TBXAS1: variants seen among roughly 807,000 people sequenced by gnomAD.
TBXAS1 encodes thromboxane A synthase 1.
In TBXAS1, 48 loss-of-function variants were observed where a neutral mutation model predicts 60.7. The ratio of observed to expected loss-of-function variants is 0.79; its 90% CI spans 0.63 to 1.01. The LOEUF (loss-of-function observed/expected upper bound fraction) is 1.01. TBXAS1 is among the 50% of genes least tolerant of loss of function. TBXAS1 has a pLI of 0.00. For synonymous variants in TBXAS1, 287 were observed against 269.7 expected, an observed-to-expected ratio of 1.06 and a Z score of -0.63; for missense variants, 685 against 686.3, an observed-to-expected ratio of 1.00 and a Z score of 0.02.
intron 1 of TBXAS1, among the ~76,000 whole-genome samples, chr7:139,851,937 T>A (rs1383876656): frequency 6.6e-6 from 1 of 152,148 alleles, no homozygotes; most frequent in Non-Finnish European, 1.5e-5. Flanking sequence ...ACTTCCAAGA[T>A]TAGATTATTG....
In TBXAS1 at chr7:139,860,806, C is replaced by A. The variant is rs144777966; in HGVS notation, c.90-11429C>A. Among the ~76,000 whole-genome samples the A allele has an allele frequency of 4.1e-3, 625 of 152,338 alleles. 5 individuals carry two copies. The highest frequency in any genetic ancestry group is 0.015 in the African/African-American group (603 of 41,574). On this transcript the variant is annotated intron_variant, in intron 1 of 12. Transcript: ENST00000448866. ...AGAATAAATTTGTGTTGTTTTAAAT[C>A]CCTCAGCTTGTGGCTACTTGTTATA...
Position 139,829,469 on chromosome 7 carries a change from C to T in TBXAS1, c.79C>T (p.Leu27Phe), listed in dbSNP as rs747082046. 2.0e-5 allele frequency: 32 copies of T among 1,613,728 alleles called. No homozygotes were observed. Among genetic ancestry groups the T allele is most frequent in the Non-Finnish European group, 2.7e-5 (32 of 1,179,912 alleles). Residue 27 changes from leucine (L) to phenylalanine (F), a missense_variant, in exon 1 of 13, where the codon CTC becomes TTC. Transcript: ENST00000448866. ...GGCCCTGTCAGTGGCTCTCTTGGCC[C>T]TCCTGAAATGGTAAGTGCAGCCAGC... ...TVALSVALLALLKWYSTSAFS... is the reference protein window; with the variant it reads ...TVALSVALLAFLKWYSTSAFS...
chr7:139,844,827 T>C, intron 1 of TBXAS1, among the ~76,000 whole-genome samples: 1 of 152,174 alleles, frequency 6.6e-6, no homozygotes, highest in East Asian at 1.9e-4. Flanking sequence ...AGGAGAAGTG[T>C]GGCATTGTGG....
chr7:139,796,486 C>T (rs1366148247), intron 4 of TBXAS1, among the ~76,000 whole-genome samples: 1 of 152,160 alleles, frequency 6.6e-6, no homozygotes, highest in Non-Finnish European at 1.5e-5. Context: ...CTGGGGGAGA[C>T]AGAGGGGATG....
rs1806024497 is a variant in TBXAS1 at position 139,916,844 on chromosome 7, G to C, written c.333+5523G>C. Among the ~76,000 whole-genome samples, 1 of 152,254 alleles carries C rather than the reference G, an allele frequency of 6.6e-6. No individual in the cohort carries two copies. The highest frequency in any genetic ancestry group is 6.5e-5 in the Admixed American group (1 of 15,290). On this transcript the variant is annotated intron_variant, in intron 4 of 12. Coordinates refer to ENST00000448866, the MANE Select transcript of TBXAS1 (RefSeq NM_001061.7). The surrounding 1 kb of genome is among the most constrained non-coding windows in gnomAD (Gnocchi z 4.2). ...GTGCGGGGGCCACAGGGACCCGCCT[G>C]CTGGCATCCATTGAGGAGAGAGGGG...
intron 3 of TBXAS1, among the ~76,000 whole-genome samples, chr7:139,786,681 G>C (rs1343657109): frequency 6.6e-6 from 1 of 152,110 alleles, no homozygotes; most frequent in Non-Finnish European, 1.5e-5. Flanking sequence ...AGGCAGTACT[G>C]TACCTGCCCA....
intron 9 of TBXAS1, among the ~76,000 whole-genome samples, chr7:140,001,125 G>T (rs909982297): frequency 6.6e-6 from 1 of 152,186 alleles, no homozygotes; most frequent in East Asian, 1.9e-4. Context: ...GCGCTGCAGG[G>T]GGGGCTTCCT....
intron 1 of TBXAS1, among the ~76,000 whole-genome samples, chr7:139,839,984 CAAA>C (rs563726492): frequency 3.7e-5 from 4 of 109,292 alleles, no homozygotes; most frequent in Admixed American, 1.9e-4. Flanking sequence ...AACTCTGTCT[CAAA>C]AAAAAAAAAA....
Position 140,012,471 on chromosome 7 carries a change from T to G in TBXAS1, c.1227-3252T>G, listed in dbSNP as rs7797229. On this transcript the variant is annotated intron_variant, in intron 10 of 12. Coordinates refer to ENST00000448866, the MANE Select transcript of TBXAS1 (RefSeq NM_001061.7). ...TCACCTGTAACCAGAACTTTTTTTT[T>G]TTTTTTTTTGAGACGGAGTCTCGCT... Among the ~76,000 whole-genome samples, 1,137 of 151,600 alleles carry G rather than the reference T, an allele frequency of 7.5e-3. 9 individuals are homozygous for G. Among genetic ancestry groups the G allele is most frequent in the African/African-American group, 0.024 (994 of 41,042 alleles).
intron 9 of TBXAS1, among the ~76,000 whole-genome samples, chr7:140,002,980 C>T (rs560683616): frequency 4.7e-4 from 71 of 151,640 alleles, no homozygotes; most frequent in Non-Finnish European, 9.1e-4. Flanking sequence ...AAAAATTAGC[C>T]GGGCGTGGTG....
rs1813898346 is a variant in TBXAS1 at position 140,004,309 on chromosome 7, CT to C, written c.1135-2777del. 6.6e-6 allele frequency among the ~76,000 whole-genome samples: 1 copy of C among 152,210 alleles called. No homozygotes were observed. The highest frequency in any genetic ancestry group is 2.4e-5 in the African/African-American group (1 of 41,460). Reference sequence around the variant, plus strand: ...AGCTTCTTTGTTTCTTCTGCAGTCTCTTTTTCGACTTGTCATGGTGCTTTTT... The same window carrying C: ...AGCTTCTTTGTTTCTTCTGCAGTCTCTTTTCGACTTGTCATGGTGCTTTTT... On this transcript the variant is annotated intron_variant, in intron 9 of 12. Transcript: ENST00000448866. This position sits in a 1 kb window ranked among gnomAD's most constrained non-coding sequence, Gnocchi z 5.1.
chr7:139,948,000 GA>G (rs1167645265), intron 5 of TBXAS1, among the ~76,000 whole-genome samples: 1 of 152,098 alleles, frequency 6.6e-6, no homozygotes, highest in African/African-American at 2.4e-5. Flanking sequence ...GAGTAGCTGG[GA>G]TTGCTGGCAC....
chr7:139,835,406 CCAA>C (rs1798993859), intron 1 of TBXAS1, among the ~76,000 whole-genome samples: 1 of 152,044 alleles, frequency 6.6e-6, no homozygotes, highest in Non-Finnish European at 1.5e-5. Flanking sequence ...CTAACCAAAT[CCAA>C]CAACATATCA....
At chr7:139,952,250 G>C (rs996669125) in intron 5 of TBXAS1, among the ~76,000 whole-genome samples, 1 of 152,166 alleles carries the variant, frequency 6.6e-6, no homozygotes, top group Non-Finnish European at 1.5e-5. Context: ...ACTTTAAGAG[G>C]AAAGAGTGGG....
At chr7:139,832,741 A>G (rs1373015151) in intron 1 of TBXAS1, among the ~76,000 whole-genome samples, 1 of 152,264 alleles carries the variant, frequency 6.6e-6, no homozygotes, top group Non-Finnish European at 1.5e-5. Flanking sequence ...AGGAAAACCT[A>G]TCAGATGAAC....
intron 7 of TBXAS1, 107 bp from the exon 8 acceptor site, chr7:139,957,527 A>G (rs2117347687): frequency 6.6e-7 from 1 of 1,519,596 alleles, no homozygotes; most frequent in Non-Finnish European, 9.1e-7. Context: ...AGGACTCCAA[A>G]ACGGCTCCGA....
chr7:139,963,109 CTCT>C (rs1378873613), intron 9 of TBXAS1: 1 of 152,214 alleles, frequency 6.6e-6, no homozygotes, highest in Admixed American at 6.5e-5. Context: ...AAGTCAATGT[CTCT>C]TCTTCACAGC....
At chr7:140,009,253 T>C (rs1045821472) in intron 10 of TBXAS1, among the ~76,000 whole-genome samples, 7 of 152,182 alleles carry the variant, frequency 4.6e-5, no homozygotes, top group African/African-American at 1.7e-4. Flanking sequence ...GTGAAGTAGT[T>C]AGAATTCATC....
intron 4 of TBXAS1, among the ~76,000 whole-genome samples, chr7:139,933,056 CA>C (rs563828205): frequency 6.6e-6 from 1 of 151,268 alleles, no homozygotes; most frequent in African/African-American, 2.4e-5. Flanking sequence ...GACCCTGTTT[CA>C]AAAAAAATAA....
Sources: allele counts gnomAD v4.1 joint callset (sites outside exome capture counted in the v4.1 genomes callset), GRCh38; gene constraint gnomAD v4.1.1; non-coding constraint Gnocchi (gnomAD v3.1); transcripts MANE v1.5; gene names NCBI Gene and HGNC (gene_info 2026-07-23, HGNC 2026-07-21).